AMZ1: variants seen among roughly 807,000 people sequenced by gnomAD.
The protein encoded by AMZ1 is archaelysin family metallopeptidase 1, also known as archaemetzincin-1.
A neutral mutation model predicts 29.9 loss-of-function variants in AMZ1; 39 were observed. The observed-to-expected ratio is 1.30, with a 90% CI of 1.01 to 1.70. The LOEUF is 1.70. Ranked by LOEUF, AMZ1 falls within the 40% of genes most tolerant of loss-of-function variation. AMZ1 has a pLI of 0.00. For synonymous variants in AMZ1, 458 were observed against 304.0 expected, an observed-to-expected ratio of 1.51 and a Z score of -5.27; for missense variants, 1,041 against 680.6, an observed-to-expected ratio of 1.53 and a Z score of -5.89.
chr7:2,723,281 C>G (rs751629352), downstream of AMZ1, among the ~76,000 whole-genome samples: 1 of 152,206 alleles, frequency 6.6e-6, no homozygotes, highest in Non-Finnish European at 1.5e-5. Context: ...GCTGCTGGCA[C>G]CTGTTTGCAG....
At chr7:2,751,421 T>G (rs539398419) in intron 4 of AMZ1, among the ~76,000 whole-genome samples, 1 of 145,494 alleles carries the variant, frequency 6.9e-6, no homozygotes, top group African/African-American at 2.5e-5. Context: ...AAACAGCTTA[T>G]AGAAGAGAAA....
In AMZ1 at chr7:2,712,426, G is replaced by C. The variant is rs758185125; in HGVS notation, c.1045G>C (p.Asp349His). Residue 349 changes from aspartate to histidine, a missense_variant, in exon 7 of 7, where the codon GAC becomes CAC. Asp to His is a moderately conservative substitution (Grantham distance 81). Coordinates refer to ENST00000683327, the MANE Select transcript of AMZ1 (RefSeq NM_001384743.1). ...VWEDTPPASA[D>H]SGMCCESDSE... ...GGAGGACACCCCGCCTGCCAGCGCC[G>C]ACTCGGGCATGTGCTGTGAGAGTGA... The C allele has an allele frequency of 1.9e-6, 3 of 1,611,742 alleles. No homozygotes were observed. Among genetic ancestry groups the C allele is most frequent in the Admixed American group, 1.7e-5 (1 of 59,942 alleles).
At position 2,717,391 on chromosome 7, in the gene AMZ1, TA is replaced by T. The variant is rs1789190908; in HGVS notation, c.*4515del. On this transcript the variant is annotated 3_prime_UTR_variant, in exon 7 of 7. Coordinates refer to ENST00000683327, the MANE Select transcript of AMZ1 (RefSeq NM_001384743.1). ...CTCTAAGCTGGCTTTGCAGCTCCAG[TA>T]AGAGTGAGAGACTCACGGGGGCCTG... Among the ~76,000 whole-genome samples, 14 of 152,086 alleles carry T rather than the reference TA, an allele frequency of 9.2e-5. No homozygotes were observed. Among genetic ancestry groups the T allele is most frequent in the Admixed American group, 9.2e-4 (14 of 15,276 alleles).
At chr7:2,704,754 G>C (rs1437775490) in intron 3 of AMZ1, among the ~76,000 whole-genome samples, 1 of 151,920 alleles carries the variant, frequency 6.6e-6, no homozygotes, top group Non-Finnish European at 1.5e-5. Context: ...CCAGTACTGT[G>C]CCTGGCTATT....
intron 4 of AMZ1, among the ~76,000 whole-genome samples, chr7:2,750,360 T>A (rs1161660303): frequency 6.6e-6 from 1 of 152,200 alleles, no homozygotes; most frequent in Admixed American, 6.5e-5. Context: ...AGCCTGCAAC[T>A]GATAGGTTAT....
chr7:2,692,756 C>T (rs1294355540), intron 1 of AMZ1, among the ~76,000 whole-genome samples: 1 of 152,164 alleles, frequency 6.6e-6, no homozygotes, highest in Non-Finnish European at 1.5e-5. Context: ...TGGCCACAAG[C>T]CCAGCAGCGG....
downstream of AMZ1, among the ~76,000 whole-genome samples, chr7:2,720,823 T>C (rs1242163031): frequency 6.6e-6 from 1 of 152,098 alleles, no homozygotes; most frequent in Non-Finnish European, 1.5e-5. Context: ...TACAGGTGTG[T>C]ATCTCTACAC....
chr7:2,727,044 TAA>T (rs1035475372), intron 4 of AMZ1, among the ~76,000 whole-genome samples: 1 of 152,178 alleles, frequency 6.6e-6, no homozygotes, highest in Admixed American at 6.5e-5. Flanking sequence ...GCTTTAAAAA[TAA>T]AAAGTGTTTT....
chr7:2,725,031 A>G (rs798539), intron 4 of AMZ1, among the ~76,000 whole-genome samples: 132,778 of 152,216 alleles, frequency 0.87, 58,700 homozygotes, highest in African/African-American at 0.97. Context: ...CACAAACACT[A>G]ACTTGCAGCA....
At chr7:2,745,314 T>G (rs917400474) in intron 4 of AMZ1, among the ~76,000 whole-genome samples, 6 of 152,238 alleles carry the variant, frequency 3.9e-5, no homozygotes, top group Admixed American at 1.3e-4. Flanking sequence ...GACTAACAGC[T>G]GATCTCTTGG....
rs115166893 is a variant in AMZ1 at position 2,750,196 on chromosome 7, G to A, written n.551-14516G>A. 5.8e-4 allele frequency among the ~76,000 whole-genome samples: 89 copies of A among 152,256 alleles called. 1 individual carries two copies. The highest frequency in any genetic ancestry group is 2.1e-3 in the African/African-American group (88 of 41,528). On this transcript the variant is annotated intron_variant and non_coding_transcript_variant, in intron 4 of 4. Coordinates refer to the AMZ1 transcript ENST00000489665. The stretch of plus-strand genomic sequence containing the variant: ...AGTCGTCACTCCCATCCTCACAGCA[G>A]CGACACCGGCAAGGAGAACAAACTG...
rs1408071114 is a variant in AMZ1 at position 2,716,534 on chromosome 7, G to A, written c.*3656G>A. The A allele has an allele frequency of 1.3e-5, 2 of 152,254 alleles. No individual in the cohort carries two copies. Among genetic ancestry groups the A allele is most frequent in the Admixed American group, 6.5e-5 (1 of 15,288 alleles). 9.4% of individuals were successfully genotyped at this position (152,254 alleles called of 1,614,324 possible). A position where few individuals can be genotyped will look rare whatever the true frequency, so the allele number is the denominator to read the frequency against. On this transcript the variant is annotated 3_prime_UTR_variant, in exon 7 of 7. Coordinates refer to ENST00000683327, the MANE Select transcript of AMZ1 (RefSeq NM_001384743.1). ...AACATAAAATGGCTTAGTCAAGCAC[G>A]AGTGATAAAGCTGGGAGTCCAAATT...
At chr7:2,720,957 G>C (rs1789393385), downstream of AMZ1, among the ~76,000 whole-genome samples, 1 of 152,224 alleles carries the variant, frequency 6.6e-6, no homozygotes, top group South Asian at 2.1e-4. Flanking sequence ...TGGATTACAG[G>C]TGTGAGTCAC....
chr7:2,761,490 T>C (rs988524389), upstream of AMZ1, among the ~76,000 whole-genome samples: 6 of 152,200 alleles, frequency 3.9e-5, no homozygotes, highest in Admixed American at 3.9e-4. Flanking sequence ...AACTTTTTCC[T>C]AAAACCTGAT....
chr7:2,732,964 G>GT (rs1789975647), intron 4 of AMZ1, among the ~76,000 whole-genome samples: 1 of 152,168 alleles, frequency 6.6e-6, no homozygotes, highest in Non-Finnish European at 1.5e-5. Context: ...AACTGACTAG[G>GT]TTGACATTAC....
In AMZ1 at chr7:2,713,088, A is replaced by G. The variant is rs1788905282; in HGVS notation, c.*210A>G. 1.3e-5 allele frequency: 6 copies of G among 468,164 alleles called. No individual in the cohort carries two copies. The highest frequency in any genetic ancestry group is 5.5e-4 in the Middle Eastern group (1 of 1,808). The allele number at this position is 468,164 out of a possible 1,614,324, so 29.0% of individuals were successfully genotyped here. On this transcript the variant is annotated 3_prime_UTR_variant, in exon 7 of 7. Coordinates refer to ENST00000683327, the MANE Select transcript of AMZ1 (RefSeq NM_001384743.1). ...CTCTGCCTCTACAAAAGAAAAATTAAAAAATTAGCTGGATGAAGTGGTTCA... is the reference window on the plus strand; with the variant it reads ...CTCTGCCTCTACAAAAGAAAAATTAGAAAATTAGCTGGATGAAGTGGTTCA...
At chr7:2,729,330 A>G (rs893523920) in intron 4 of AMZ1, 4 of 152,422 alleles carry the variant, frequency 2.6e-5, no homozygotes, top group Non-Finnish European at 5.9e-5. Context: ...GGGCCCCACC[A>G]GGAGCTCTCT....
intron 4 of AMZ1, among the ~76,000 whole-genome samples, chr7:2,737,817 A>T (rs940828443): frequency 6.6e-6 from 1 of 152,244 alleles, no homozygotes; most frequent in African/African-American, 2.4e-5. Flanking sequence ...TTACTTAATA[A>T]ATAAATATTA....
At chr7:2,762,690 T>C (rs1302643903), upstream of AMZ1, 2 of 1,581,132 alleles carry the variant, frequency 1.3e-6, no homozygotes, top group Non-Finnish European at 1.7e-6. Context: ...GAAACCACGC[T>C]GCCCGGGTGG....
Sources: allele counts gnomAD v4.1 joint callset (sites outside exome capture counted in the v4.1 genomes callset), GRCh38; gene constraint gnomAD v4.1.1; transcripts MANE v1.5; gene names NCBI Gene and HGNC (gene_info 2026-07-23, HGNC 2026-07-21).